Variants in OXNAD1 observed in about 807,000 individuals in gnomAD.
OXNAD1 encodes the protein oxidoreductase NAD-binding domain-containing protein 1.
Under a neutral mutation model 32.9 loss-of-function variants are expected in OXNAD1, and 34 were observed. That is an observed-to-expected ratio of 1.03 (90% CI 0.79 to 1.38). OXNAD1 has a LOEUF of 1.38. Ranked by LOEUF, OXNAD1 falls within the 40% of genes most tolerant of loss-of-function variation. The probability of loss-of-function intolerance (pLI) is 0.00; values close to 1 mark genes in which losing one functional copy is unlikely to be tolerated. For synonymous variants in OXNAD1, 134 were observed against 135.2 expected (o/e 0.99, Z 0.06); for missense variants, 407 against 379.4 (o/e 1.07, Z -0.60).
At chr3:16,300,561 A>G (rs2067108756) in intron 6 of OXNAD1, among the ~76,000 whole-genome samples, 1 of 152,246 alleles carries the variant, frequency 6.6e-6, no homozygotes. Context: ...ATTATAAACC[A>G]GTTTTCACCT....
In OXNAD1 at chr3:16,291,194, A is replaced by G. The variant is rs545651477; in HGVS notation, c.291-3662A>G. Among the ~76,000 whole-genome samples, 6 of 152,304 alleles carry G rather than the reference A, an allele frequency of 3.9e-5. No homozygotes were observed. In the East Asian group the frequency reaches 5.8e-4, roughly 15 times the overall value. On this transcript the variant is annotated intron_variant, in intron 5 of 8. Coordinates refer to ENST00000285083, the MANE Select transcript of OXNAD1 (RefSeq NM_138381.5). ...CCATATCGGCCTATTAAGTCTGTCA[A>G]ATACTAGTGGGAGAGTTTTTGTTGC...
At chr3:16,323,937 T>C (rs1559809719) in intron 9 of OXNAD1, among the ~76,000 whole-genome samples, 1 of 152,178 alleles carries the variant, frequency 6.6e-6, no homozygotes, top group Admixed American at 6.5e-5. Flanking sequence ...CACCAAAGAC[T>C]GCACAGCACC....
At position 16,345,537 on chromosome 3, in the gene OXNAD1, G is replaced by C. The variant is rs928752019; in HGVS notation, c.*31-3639G>C. On this transcript the variant is annotated intron_variant, in intron 9 of 9. Coordinates refer to the OXNAD1 transcript ENST00000606098. The surrounding 1 kb of genome is among the most constrained non-coding windows in gnomAD (Gnocchi z 5.2). ...GACACCATCCAGTCATTGAGGACCT[G>C]AACAGAACAAAGGGTGGAGGAAGGC... Among the ~76,000 whole-genome samples, 9 of 152,108 alleles carry C rather than the reference G, an allele frequency of 5.9e-5. No individual in the cohort carries two copies. Among genetic ancestry groups the C allele is most frequent in the Non-Finnish European group, 1.3e-4 (9 of 68,022 alleles).
chr3:16,287,921 G>A lies in OXNAD1; in HGVS notation c.290+1473G>A, dbSNP rs2066179723. Among the ~76,000 whole-genome samples the A allele has an allele frequency of 6.6e-6, 1 of 152,214 alleles. No individual in the cohort carries two copies. Among genetic ancestry groups the A allele is most frequent in the Non-Finnish European group, 1.5e-5 (1 of 68,040 alleles). On this transcript the variant is annotated intron_variant, in intron 5 of 8. Transcript: ENST00000285083. The surrounding 1 kb of genome is among the most constrained non-coding windows in gnomAD (Gnocchi z 4.8). ...GAATTTAGGCCTGGTTTTCGTATGT[G>A]CCTGTCAGACTTCTTCGGAGGTCGG...
Position 16,281,855 on chromosome 3 carries a change from A to C in OXNAD1, c.184-4487A>C, listed in dbSNP as rs1283309533. Among the ~76,000 whole-genome samples the C allele has an allele frequency of 2.0e-5, 3 of 150,588 alleles. 1 individual carries two copies. Among genetic ancestry groups the C allele is most frequent in the Admixed American group, 2.0e-4 (3 of 15,090 alleles). On this transcript the variant is annotated intron_variant, in intron 4 of 8. Transcript: ENST00000285083. Reference sequence around the variant, plus strand: ...CGAGGCTGTATTTTAACAGATTATTATATCGAAAGAAAAAAATGAATGTTT... The same window carrying C: ...CGAGGCTGTATTTTAACAGATTATTCTATCGAAAGAAAAAAATGAATGTTT...
chr3:16,332,931 C>T (rs767990884), intron 9 of OXNAD1, among the ~76,000 whole-genome samples: 3 of 152,128 alleles, frequency 2.0e-5, no homozygotes, highest in Non-Finnish European at 4.4e-5. Flanking sequence ...GACTATTGAA[C>T]CATTGCCCAT....
rs558858949 is a variant in OXNAD1 at position 16,322,070 on chromosome 3, A to G, written c.*31-15042A>G. 6.6e-6 allele frequency among the ~76,000 whole-genome samples: 1 copy of G among 152,272 alleles called. No individual in the cohort carries two copies. The highest frequency in any genetic ancestry group is 2.4e-5 in the African/African-American group (1 of 41,534). On this transcript the variant is annotated intron_variant, in intron 9 of 9. Transcript: ENST00000435829. This position sits in a 1 kb window ranked among gnomAD's most constrained non-coding sequence, Gnocchi z 6.2. The stretch of plus-strand genomic sequence containing the variant: ...GGGCCCTTTGCGTGCTGTGTGTTGA[A>G]TGTTGCACTTGCTGAATGCATGCAG...
chr3:16,319,036 C>T (rs2068744062), intron 9 of OXNAD1, among the ~76,000 whole-genome samples: 1 of 152,192 alleles, frequency 6.6e-6, no homozygotes, highest in African/African-American at 2.4e-5. Context: ...CACCAAGCCT[C>T]CATAGTTTCC....
chr3:16,301,990 A>G lies in OXNAD1; in HGVS notation c.675+122A>G. 2 of 1,303,686 alleles carry G rather than the reference A, an allele frequency of 1.5e-6. No homozygotes were observed. Among genetic ancestry groups the G allele is most frequent in the Non-Finnish European group, 2.1e-6 (2 of 959,222 alleles). The allele number at this position is 1,303,686 out of a possible 1,614,324, so 80.8% of individuals were successfully genotyped here. A position where few individuals can be genotyped will look rare whatever the true frequency, so the allele number is the denominator to read the frequency against. On this transcript the variant is annotated intron_variant, in intron 7 of 8. Transcript: ENST00000285083. The surrounding 1 kb of genome is among the most constrained non-coding windows in gnomAD (Gnocchi z 4.1). ...CAAACAAAAGGCTTGGCAAGATTTAATCATGCTTAAATGAGAACTAACCAA... is the reference window on the plus strand; with the variant it reads ...CAAACAAAAGGCTTGGCAAGATTTAGTCATGCTTAAATGAGAACTAACCAA...
chr3:16,269,023 A>T, intron 1 of OXNAD1, 103 bp from the exon 2 acceptor site: 2 of 1,042,402 alleles, frequency 1.9e-6, no homozygotes, highest in Non-Finnish European at 2.6e-6. Flanking sequence ...TTGTGAGGTG[A>T]TGCCTACTGA....
In OXNAD1 at chr3:16,305,581, T is replaced by C. The variant is rs1038278362; in HGVS notation, c.*2019T>C. The C allele has an allele frequency of 2.0e-5, 3 of 152,196 alleles. No individual in the cohort carries two copies. Among genetic ancestry groups the C allele is most frequent in the Non-Finnish European group, 4.4e-5 (3 of 68,050 alleles). 9.4% of individuals were successfully genotyped at this position (152,196 alleles called of 1,614,324 possible). On this transcript the variant is annotated 3_prime_UTR_variant, in exon 9 of 9. Transcript: ENST00000285083. The surrounding 1 kb of genome is among the most constrained non-coding windows in gnomAD (Gnocchi z 4.5). Reference sequence around the variant, plus strand: ...TGCCTGCCAGGCCTGTCCAGATCTTTTTGGTACTTAAATTGAGCTAACTCC... The same window carrying C: ...TGCCTGCCAGGCCTGTCCAGATCTTCTTGGTACTTAAATTGAGCTAACTCC...
At chr3:16,276,523 T>C in intron 4 of OXNAD1, 1 of 166,018 alleles carries the variant, frequency 6.0e-6, no homozygotes. Flanking sequence ...CTATTTTTTT[T>C]TTTTTTTTTT....
At chr3:16,308,946 TAATA>T (rs902833024), downstream of OXNAD1, among the ~76,000 whole-genome samples, 4 of 152,210 alleles carry the variant, frequency 2.6e-5, no homozygotes, top group African/African-American at 7.2e-5. This position sits in a 1 kb window ranked among gnomAD's most constrained non-coding sequence, Gnocchi z 4.4. Context: ...TTTAATTACC[TAATA>T]AATGTGACCA....
intron 9 of OXNAD1, among the ~76,000 whole-genome samples, chr3:16,332,535 A>T (rs1306094933): frequency 6.6e-6 from 1 of 151,802 alleles, no homozygotes; most frequent in Non-Finnish European, 1.5e-5. Context: ...TGTGACAGAG[A>T]TGGGGAACTA....
Position 16,321,111 on chromosome 3 carries a change from T to A in OXNAD1, c.*31-16001T>A, listed in dbSNP as rs1400969294. 6.6e-6 allele frequency among the ~76,000 whole-genome samples: 1 copy of A among 151,986 alleles called. No individual in the cohort carries two copies. The highest frequency in any genetic ancestry group is 1.5e-5 in the Non-Finnish European group (1 of 67,990). ...GGGGAGGGTCAGCAGGGATAGCCCC[T>A]AAGGTGCAATGCCATTCCTCTAGAT... On this transcript the variant is annotated intron_variant, in intron 9 of 9. Coordinates refer to the OXNAD1 transcript ENST00000435829. The surrounding 1 kb of genome is among the most constrained non-coding windows in gnomAD (Gnocchi z 4.8).
In OXNAD1 at chr3:16,290,526, G is replaced by A. The variant is rs1363943464; in HGVS notation, c.290+4078G>A. Among the ~76,000 whole-genome samples the A allele has an allele frequency of 3.3e-5, 5 of 152,278 alleles. No homozygotes were observed. The highest frequency in any genetic ancestry group is 5.9e-5 in the Non-Finnish European group (4 of 68,012). On this transcript the variant is annotated intron_variant, in intron 5 of 8. Coordinates refer to ENST00000285083, the MANE Select transcript of OXNAD1 (RefSeq NM_138381.5). The surrounding 1 kb of genome is among the most constrained non-coding windows in gnomAD (Gnocchi z 4.2). ...GCACTGTAGTTCAGGAGATGAAGCA[G>A]CAAAAGTAGCTTATTAATGTATTTA...
chr3:16,296,093 G>T (rs980957832), intron 6 of OXNAD1, among the ~76,000 whole-genome samples: 1 of 152,190 alleles, frequency 6.6e-6, no homozygotes, highest in African/African-American at 2.4e-5. Flanking sequence ...GGCTGTAGAA[G>T]GCCCACCTGA....
rs1320404316 is a variant in OXNAD1 at position 16,329,933 on chromosome 3, C to T, written c.*31-7179C>T. On this transcript the variant is annotated intron_variant, in intron 9 of 9. Transcript: ENST00000435829. This position sits in a 1 kb window ranked among gnomAD's most constrained non-coding sequence, Gnocchi z 4.5. ...GCACCCAGAGCTGCGAGACAATGAACGACCCCTGCTGCAGCCCGACCCGCC... is the reference window on the plus strand; with the variant it reads ...GCACCCAGAGCTGCGAGACAATGAATGACCCCTGCTGCAGCCCGACCCGCC... Among the ~76,000 whole-genome samples, 6 of 152,128 alleles carry T rather than the reference C, an allele frequency of 3.9e-5. No individual in the cohort carries two copies. Among genetic ancestry groups the T allele is most frequent in the African/African-American group, 9.7e-5 (4 of 41,418 alleles).
chr3:16,269,040 T>G, intron 1 of OXNAD1, 86 bp from the exon 2 acceptor site: 13 of 1,252,916 alleles, frequency 1.0e-5, no homozygotes, highest in South Asian at 4.3e-5. Context: ...CTGATTTTAA[T>G]GAGCCTTTCC....
Sources: gnomAD v4.1 joint callset for allele counts (sites outside exome capture counted in the v4.1 genomes callset) on GRCh38, gnomAD v4.1.1 for gene constraint, Gnocchi (gnomAD v3.1) non-coding constraint, MANE v1.5 for transcripts, NCBI Gene and HGNC (gene_info 2026-07-23, HGNC 2026-07-21) for gene names.